HFM1: variants seen among roughly 807,000 people sequenced by gnomAD.
The protein encoded by HFM1 is helicase for meiosis 1.
A neutral mutation model predicts 192.1 loss-of-function variants in HFM1; 169 were observed. That is an observed-to-expected ratio of 0.88 (90% CI 0.78 to 1.00). The LOEUF is 1.00. Among genes scored for constraint, HFM1 ranks in the 50% least tolerant of loss-of-function variants. HFM1 has a pLI of 0.00. For missense variants in HFM1, 1,661 were observed against 1,668.0 expected (o/e 1.00, Z 0.07); for synonymous variants, 525 against 537.8 (o/e 0.98, Z 0.33).
At position 91,346,157 on chromosome 1, in the gene HFM1, C is replaced by T. The variant is rs1432832334; in HGVS notation, c.2254+1272G>A. ...CCTACAATTCCAAAACCTTAATATT[C>T]AGTTATATTTAGCTATTCTTGTTTA... On this transcript the variant is annotated intron_variant, in intron 19 of 38. Transcript: ENST00000370425. Among the ~76,000 whole-genome samples, 4 of 152,092 alleles carry T rather than the reference C, an allele frequency of 2.6e-5. No individual in the cohort carries two copies. The South Asian group carries it at 6.2e-4, about 24-fold the overall frequency.
intron 30 of HFM1, among the ~76,000 whole-genome samples, chr1:91,291,260 G>C (rs550617469): frequency 4.6e-5 from 7 of 152,270 alleles, no homozygotes; most frequent in African/African-American, 1.7e-4. Flanking sequence ...AATGAATTCA[G>C]GAGCTGGTTT....
intron 33 of HFM1, 68 bp downstream of exon 33, chr1:91,274,662 A>G: frequency 1.3e-6 from 1 of 752,174 alleles, no homozygotes; most frequent in Non-Finnish European, 2.3e-6. Context: ...TCCCTGAATA[A>G]GTGGTTACCT....
At chr1:91,265,945 A>T in intron 36 of HFM1, 72 bp downstream of exon 36, 5 of 1,554,934 alleles carry the variant, frequency 3.2e-6, no homozygotes, top group Non-Finnish European at 4.3e-6. Context: ...TAATAACTTG[A>T]TCCCCATCTC....
upstream of HFM1, among the ~76,000 whole-genome samples, chr1:91,405,779 G>T (rs1336572508): frequency 1.3e-5 from 2 of 152,132 alleles, no homozygotes; most frequent in Non-Finnish European, 2.9e-5. Context: ...CCAGTAATTG[G>T]GTGAGCCAGT....
intron 4 of HFM1, among the ~76,000 whole-genome samples, chr1:91,390,399 G>A (rs1423563344): frequency 6.9e-6 from 1 of 144,852 alleles, no homozygotes; most frequent in African/African-American, 2.6e-5. Flanking sequence ...TCACACCACT[G>A]CACTCAAGCC....
chr1:91,261,426 A>T, intron 38 of HFM1, 67 bp from the exon 39 acceptor site: 1 of 660,074 alleles, frequency 1.5e-6, no homozygotes, highest in Non-Finnish European at 2.3e-6. Context: ...ATACACAATA[A>T]ATAATGTAAT....
At chr1:91,368,019 A>T (rs1659617500) in intron 13 of HFM1, among the ~76,000 whole-genome samples, 1 of 152,162 alleles carries the variant, frequency 6.6e-6, no homozygotes, top group Admixed American at 6.5e-5. Flanking sequence ...AAGATCAAAT[A>T]AATGAAATGA....
In HFM1 at chr1:91,299,749, A is replaced by T. The variant is rs1310390596; in HGVS notation, c.3391+13600T>A. Among the ~76,000 whole-genome samples the T allele has an allele frequency of 5.3e-5, 8 of 152,318 alleles. No homozygotes were observed. In the South Asian group the frequency reaches 1.7e-3, roughly 32 times the overall value. On this transcript the variant is annotated intron_variant, in intron 30 of 38. Coordinates refer to ENST00000370425, the MANE Select transcript of HFM1 (RefSeq NM_001017975.6). ...CTTTGAAACCAATGAGAACAAAGAC[A>T]CAACATACCAGAATCTCTGGGACAC...
rs142374052 is a variant in HFM1, at chr1:91,279,697, G to A, written c.3392-2635C>T. On this transcript the variant is annotated intron_variant, in intron 30 of 38. Transcript: ENST00000370425. ...TTTGATACTATCTCTTGTCTTAGAA[G>A]ACCCTCATTTCCTTGCCCAACAGAT... is the stretch of plus-strand genomic sequence containing the variant. 5.7e-4 allele frequency among the ~76,000 whole-genome samples: 87 copies of A among 152,196 alleles called. 1 individual carries two copies. The East Asian group carries it at 0.016, about 29-fold the overall frequency.
chr1:91,266,817 AT>A (rs1342299291), intron 35 of HFM1, among the ~76,000 whole-genome samples: 22 of 152,162 alleles, frequency 1.4e-4, no homozygotes, highest in Non-Finnish European at 5.9e-5. Context: ...GATAAACAAA[AT>A]TGTGCCTAAT....
At chr1:91,314,117 T>C in intron 28 of HFM1, 57 bp from the exon 29 acceptor site, 1 of 1,026,226 alleles carries the variant, frequency 9.7e-7, no homozygotes, top group Non-Finnish European at 1.5e-6. Flanking sequence ...TACATATTAA[T>C]CTTGAAGGGC....
At chr1:91,291,684 C>T (rs1052973693) in intron 30 of HFM1, among the ~76,000 whole-genome samples, 4 of 152,032 alleles carry the variant, frequency 2.6e-5, no homozygotes, top group African/African-American at 9.7e-5. Context: ...AAGAGGGAAT[C>T]CTCCCTAACT....
chr1:91,262,359 A>G lies in HFM1; in HGVS notation c.4120T>C (p.Ser1374Pro). ...HFQERKPQNL[S>P]PEIEKQCFTF... ...AAGCATTGCTTCTCAATCTCTGGTG[A>G]CAGATTTTGTGGTTTTCTTTCTTGA... The change falls in exon 38 of 39, where the codon TCA (serine) becomes CCA (proline). Residue 1374 changes from serine (S) to proline (P), a missense_variant. By Grantham distance (74) the Ser-to-Pro change is moderately conservative. Transcript: ENST00000370425. 6.3e-7 allele frequency: 1 copy of G among 1,579,292 alleles called. No homozygotes were observed. The highest frequency in any genetic ancestry group is 1.8e-5 in the Admixed American group (1 of 54,528).
intron 30 of HFM1, among the ~76,000 whole-genome samples, chr1:91,291,732 G>A (rs540030194): frequency 0.09 from 13,475 of 149,834 alleles, 638 homozygotes; most frequent in East Asian, 0.15. Context: ...TACCAAAGAC[G>A]GGCAGAGACA....
At chr1:91,310,237 A>C (rs1056917408) in intron 30 of HFM1, among the ~76,000 whole-genome samples, 1 of 152,182 alleles carries the variant, frequency 6.6e-6, no homozygotes, top group African/African-American at 2.4e-5. Context: ...ATATTGAAAC[A>C]TTTACAGAGG....
chr1:91,326,678 C>T (rs1158046627), intron 20 of HFM1, among the ~76,000 whole-genome samples: 4 of 152,198 alleles, frequency 2.6e-5, no homozygotes, highest in African/African-American at 9.6e-5. Context: ...TTTGAAAGTA[C>T]AAAACTCACT....
chr1:91,386,248 G>C (rs1236008253), intron 4 of HFM1, among the ~76,000 whole-genome samples: 1 of 152,174 alleles, frequency 6.6e-6, no homozygotes, highest in Non-Finnish European at 1.5e-5. Flanking sequence ...TCTGTGGAGA[G>C]CTAGTCACAA....
At chr1:91,294,170 G>A (rs961748663) in intron 30 of HFM1, among the ~76,000 whole-genome samples, 64 of 151,242 alleles carry the variant, frequency 4.2e-4, no homozygotes, top group African/African-American at 1.5e-3. Flanking sequence ...TGCACATTTT[G>A]CACATGTACC....
intron 20 of HFM1, among the ~76,000 whole-genome samples, chr1:91,331,510 G>T (rs993794475): frequency 1.7e-4 from 25 of 150,740 alleles, no homozygotes; most frequent in African/African-American, 4.6e-4. Flanking sequence ...ACCTGAAAAA[G>T]AAATAAAAAA....
Sources: allele counts gnomAD v4.1 joint callset (sites outside exome capture counted in the v4.1 genomes callset), GRCh38; gene constraint gnomAD v4.1.1; transcripts MANE v1.5; gene names NCBI Gene and HGNC (gene_info 2026-07-23, HGNC 2026-07-21).